MED30: variants seen among roughly 807,000 people sequenced by gnomAD.
MED30 encodes the protein mediator complex subunit 30, also known as mediator of RNA polymerase II transcription subunit 30.
In MED30, 8 loss-of-function variants were observed where a neutral mutation model predicts 21.7. The ratio of observed to expected loss-of-function variants is 0.37; its 90% CI spans 0.22 to 0.67. The LOEUF is 0.67. MED30 is among the 30% of genes least tolerant of loss of function. The pLI, the probability that MED30 is intolerant of heterozygous loss-of-function variation, is 0.58. For synonymous variants in MED30, 79 were observed against 86.7 expected, an observed-to-expected ratio of 0.91 and a Z score of 0.49; for missense variants, 203 against 228.2, an observed-to-expected ratio of 0.89 and a Z score of 0.71.
At chr8:117,530,897 C>A in intron 3 of MED30, 70 bp downstream of exon 3, 1 of 1,020,902 alleles carries the variant, frequency 9.8e-7, no homozygotes, top group Non-Finnish European at 1.5e-6. Flanking sequence ...TCTGATGTAA[C>A]TCCAAAACAT....
At chr8:117,532,740 A>G (rs1818808843) in intron 3 of MED30, among the ~76,000 whole-genome samples, 1 of 152,134 alleles carries the variant, frequency 6.6e-6, no homozygotes, top group South Asian at 2.1e-4. Flanking sequence ...GGTGAAACAC[A>G]CATTTAGAAA....
intron 3 of MED30, among the ~76,000 whole-genome samples, chr8:117,535,908 A>T (rs1018018426): frequency 2.6e-5 from 4 of 152,090 alleles, no homozygotes; most frequent in Non-Finnish European, 5.9e-5. Context: ...CCATTATTAA[A>T]TGTCTTTTTT....
At chr8:117,521,195 A>G (rs897815391) in intron 1 of MED30, 142 bp downstream of exon 1, 4 of 732,690 alleles carry the variant, frequency 5.5e-6, no homozygotes, top group East Asian at 3.3e-5. Context: ...ATTCACACTC[A>G]AGAGTGTCCC....
chr8:117,534,851 T>G (rs1303907982), intron 3 of MED30, among the ~76,000 whole-genome samples: 1 of 24,190 alleles, frequency 4.1e-5, no homozygotes, highest in African/African-American at 1.4e-4. Flanking sequence ...AAACAAATTG[T>G]TTTTTTTTTT....
chr8:117,531,389 C>T (rs1818790229), intron 3 of MED30, among the ~76,000 whole-genome samples: 1 of 151,906 alleles, frequency 6.6e-6, no homozygotes, highest in African/African-American at 2.4e-5. Flanking sequence ...CTTAGCAAAA[C>T]CTACCAGAGA....
At chr8:117,531,003 T>G (rs1461008782) in intron 3 of MED30, among the ~76,000 whole-genome samples, 176 bp downstream of exon 3, 1 of 152,126 alleles carries the variant, frequency 6.6e-6, no homozygotes, top group Non-Finnish European at 1.5e-5. Context: ...AAATGCTGTC[T>G]GAATAGTCAG....
intron 1 of MED30, among the ~76,000 whole-genome samples, chr8:117,528,029 CAG>C (rs1246955535): frequency 6.6e-6 from 1 of 151,762 alleles, no homozygotes; most frequent in African/African-American, 2.4e-5. Context: ...ATATCTAAGG[CAG>C]AGTTATGATC....
intron 1 of MED30, among the ~76,000 whole-genome samples, chr8:117,526,408 C>T (rs1035744006): frequency 6.6e-6 from 1 of 152,022 alleles, no homozygotes; most frequent in East Asian, 1.9e-4. Context: ...AATGATTCCA[C>T]ATTAATCATA....
chr8:117,526,693 G>C (rs1047932793), intron 1 of MED30, among the ~76,000 whole-genome samples: 3 of 151,914 alleles, frequency 2.0e-5, no homozygotes, highest in African/African-American at 7.2e-5. Context: ...TTGTCTCTCT[G>C]ATGTTTACTG....
chr8:117,534,855 T>TTTTTTG (rs1554634564), intron 3 of MED30, among the ~76,000 whole-genome samples: 1 of 150,322 alleles, frequency 6.7e-6, no homozygotes, highest in African/African-American at 2.4e-5. Flanking sequence ...AAATTGTTTT[T>TTTTTTG]TTTTTTTTTT....
chr8:117,528,497 C>T (rs1439079860), intron 1 of MED30, among the ~76,000 whole-genome samples, 154 bp from the exon 2 acceptor site: 3 of 151,876 alleles, frequency 2.0e-5, no homozygotes, highest in Non-Finnish European at 4.4e-5. Context: ...ATGCATTGCT[C>T]TTAAATTCTT....
At chr8:117,535,239 CTTTT>C (rs957435711) in intron 3 of MED30, among the ~76,000 whole-genome samples, 1 of 125,772 alleles carries the variant, frequency 8.0e-6, no homozygotes, top group Non-Finnish European at 1.7e-5. Context: ...TCCATTGATA[CTTTT>C]TTTTTTTTTT....
Position 117,533,650 on chromosome 8 carries a change from T to C in MED30, c.441+2823T>C, listed in dbSNP as rs569089890. On this transcript the variant is annotated intron_variant, in intron 3 of 3. Transcript: ENST00000297347. ...TTTAATTTTCTAAAATTTTAGTTAG[T>C]TTTTTATGCATCTATGACAACATCT... Among the ~76,000 whole-genome samples, 243 of 152,332 alleles carry C rather than the reference T, an allele frequency of 1.6e-3. 1 individual carries two copies. The highest frequency in any genetic ancestry group is 2.9e-3 in the Non-Finnish European group (197 of 68,028).
At chr8:117,523,736 C>T (rs754931021) in intron 1 of MED30, 13 of 1,328,298 alleles carry the variant, frequency 9.8e-6, no homozygotes, top group South Asian at 2.6e-5. Context: ...AGGCTAGGCG[C>T]GGTGGCTCAC....
chr8:117,539,725 T>C (rs1768441968), intron 3 of MED30, among the ~76,000 whole-genome samples, 158 bp from the exon 4 acceptor site: 1 of 152,196 alleles, frequency 6.6e-6, no homozygotes, highest in Admixed American at 6.5e-5. Context: ...TCAGCAAATA[T>C]TTAAGGCCAG....
chr8:117,523,963 C>G, intron 1 of MED30: 1 of 275,448 alleles, frequency 3.6e-6, no homozygotes, highest in South Asian at 5.0e-5. Context: ...GCCGAGAGAT[C>G]GCGCCACTGC....
Position 117,537,534 on chromosome 8 carries a change from TTATAA to T in MED30, c.442-2344_442-2340del, listed in dbSNP as rs1226584264. Among the ~76,000 whole-genome samples, 15 of 152,154 alleles carry T rather than the reference TTATAA, an allele frequency of 9.9e-5. No individual in the cohort carries two copies. The East Asian group carries it at 1.7e-3, about 18-fold the overall frequency. On this transcript the variant is annotated intron_variant, in intron 3 of 3. Transcript: ENST00000297347. ...TTTGAGAAACGCTATCCCAAGAGCCTTATAATATATTAATTATTTAAAAATTTTCT... is the reference window on the plus strand; with the variant it reads ...TTTGAGAAACGCTATCCCAAGAGCCTTATATTAATTATTTAAAAATTTTCT...
chr8:117,531,960 A>G (rs1480048856), intron 3 of MED30, among the ~76,000 whole-genome samples: 1 of 152,020 alleles, frequency 6.6e-6, no homozygotes, highest in African/African-American at 2.4e-5. Flanking sequence ...AAAAGGGTCT[A>G]AGACAAGACT....
rs1018566082 is a variant in MED30 at position 117,523,498 on chromosome 8, TC to T, written c.177+2447del. 1.6e-5 allele frequency: 25 copies of T among 1,591,932 alleles called. 1 individual carries two copies. Among genetic ancestry groups the T allele is most frequent in the African/African-American group, 2.7e-5 (2 of 74,456 alleles). ...GCGGCGTAGGGTGGCAGGAACAATC[TC>T]CGGGGGCAGATGAAGGTAATCACAG... is the stretch of plus-strand genomic sequence containing the variant. On this transcript the variant is annotated intron_variant, in intron 1 of 3. Coordinates refer to ENST00000297347, the MANE Select transcript of MED30 (RefSeq NM_080651.4).
Sources: allele counts gnomAD v4.1 joint callset (sites outside exome capture counted in the v4.1 genomes callset), GRCh38; gene constraint gnomAD v4.1.1; transcripts MANE v1.5; gene names NCBI Gene and HGNC (gene_info 2026-07-23, HGNC 2026-07-21).